The following DOK1 variants were observed in gnomAD, a reference collection of about 807,000 sequenced individuals.
The protein encoded by DOK1 is docking protein 1, also known as Downstream of tyrosine kinase 1.
Under a neutral mutation model 24.0 loss-of-function variants are expected in DOK1, and 12 were observed. That is an observed-to-expected ratio of 0.50 (90% CI 0.32 to 0.81). The LOEUF (loss-of-function observed/expected upper bound fraction) is 0.81, where lower values mean the gene tolerates loss of function less well. Ranked by LOEUF, DOK1 falls within the 30% of genes least tolerant of loss-of-function variation. The pLI is 0.03. For missense variants in DOK1, 591 were observed against 620.7 expected, an observed-to-expected ratio of 0.95 and a Z score of 0.51; for synonymous variants, 250 against 260.9, an observed-to-expected ratio of 0.96 and a Z score of 0.40.
At chr2:74,551,153 C>T (rs760375963), upstream of DOK1, among the ~76,000 whole-genome samples, 29 of 152,190 alleles carry the variant, frequency 1.9e-4, no homozygotes, top group Non-Finnish European at 3.2e-4. Context: ...AGGCTGGTCT[C>T]GAACTCCTGA....
chr2:74,554,705 C>T (rs774514795), upstream of DOK1: 3 of 1,597,910 alleles, frequency 1.9e-6, no homozygotes, highest in African/African-American at 1.3e-5. The surrounding 1 kb of genome is among the most constrained non-coding windows in gnomAD (Gnocchi z 4.9). Context: ...CGCCTCCCGC[C>T]CCGCCTCCCG....
At position 74,554,752 on chromosome 2, in the gene DOK1, GC is replaced by G. The variant is rs773833722; in HGVS notation, c.-1del. 7 of 1,613,496 alleles carry G rather than the reference GC, an allele frequency of 4.3e-6. No individual in the cohort carries two copies. In the South Asian group the frequency reaches 7.7e-5, roughly 18 times the overall value. ...GGAAGCGCGGAAGGAACCGCCGGGGGCCATGGACGGAGCAGTGATGGAAGGG... is the reference window on the plus strand; with the variant it reads ...GGAAGCGCGGAAGGAACCGCCGGGGGCATGGACGGAGCAGTGATGGAAGGG... On this transcript the variant is annotated 5_prime_UTR_variant, in exon 1 of 5. Coordinates refer to ENST00000233668, the MANE Select transcript of DOK1 (RefSeq NM_001381.5). The surrounding 1 kb of genome is among the most constrained non-coding windows in gnomAD (Gnocchi z 4.9).
In DOK1 at chr2:74,556,681, G is replaced by C. The variant is rs200708921; in HGVS notation, c.1013G>C (p.Trp338Ser). The C allele has an allele frequency of 1.8e-5, 29 of 1,614,120 alleles. No homozygotes were observed. The highest frequency in any genetic ancestry group is 2.2e-5 in the Non-Finnish European group (26 of 1,180,054). ...GTACAACGGAAGAAACCTCTCTATT[G>C]GGACTTGTATGAGCATGCGCAGCAG... is the stretch of plus-strand genomic sequence containing the variant. ...EGVQRKKPLYWDLYEHAQQQL... is the reference protein window; with the variant it reads ...EGVQRKKPLYSDLYEHAQQQL... Residue 338 changes from tryptophan to serine, a missense_variant, in exon 5 of 5, where the codon TGG (tryptophan) becomes TCG (serine). Trp to Ser is a radical substitution (Grantham distance 177). Transcript: ENST00000233668. This position sits in a 1 kb window ranked among gnomAD's most constrained non-coding sequence, Gnocchi z 4.1.
chr2:74,555,878 C>A lies in DOK1; in HGVS notation c.455-16C>A, dbSNP rs774690385. 6.3e-7 allele frequency: 1 copy of A among 1,597,754 alleles called. No individual in the cohort carries two copies. The highest frequency in any genetic ancestry group is 8.5e-7 in the Non-Finnish European group (1 of 1,171,268). ...CGTCCCTCCCCCGCAGCTGTCTAAT[C>A]GTGTATGCCTTCCAGGATCCCAATT... is the stretch of plus-strand genomic sequence containing the variant. On this transcript the variant is annotated splice_polypyrimidine_tract_variant and intron_variant, in intron 3 of 4. Coordinates refer to ENST00000233668, the MANE Select transcript of DOK1 (RefSeq NM_001381.5). The surrounding 1 kb of genome is among the most constrained non-coding windows in gnomAD (Gnocchi z 6.1).
upstream of DOK1, chr2:74,552,425 G>A (rs1433050406): frequency 3.1e-6 from 5 of 1,613,728 alleles, no homozygotes; most frequent in Non-Finnish European, 2.5e-6. Context: ...AGTCATCATC[G>A]CAGATGGTGC....
At chr2:74,550,881 C>T (rs116036822), upstream of DOK1, among the ~76,000 whole-genome samples, 750 of 151,640 alleles carry the variant, frequency 4.9e-3, 9 homozygotes, top group African/African-American at 0.017. Flanking sequence ...CTCTTGTGCC[C>T]GCCCTGTCTG....
upstream of DOK1, chr2:74,550,179 G>A: frequency 1.9e-6 from 3 of 1,611,880 alleles, no homozygotes; most frequent in Non-Finnish European, 2.5e-6. Flanking sequence ...TCTAGGAAAT[G>A]CAGACCTCAA....
upstream of DOK1, chr2:74,550,279 C>T (rs1438579657): frequency 2.5e-6 from 4 of 1,614,138 alleles, no homozygotes; most frequent in Non-Finnish European, 2.5e-6. Flanking sequence ...GTTCCCCCAG[C>T]CCCGGGAGGC....
rs771130039 is a variant in DOK1 at position 74,549,522 on chromosome 2, C to T, written c.-358+350C>T. ...CAGCCCCTCCGTCACGGGCAGGGGT[C>T]GTCTGCCCCACCCAACGGCGGGTCG... is the stretch of plus-strand genomic sequence containing the variant. On this transcript the variant is annotated intron_variant, in intron 1 of 4. Transcript: ENST00000409429. This position sits in a 1 kb window ranked among gnomAD's most constrained non-coding sequence, Gnocchi z 5.3. 2 of 1,613,448 alleles carry T rather than the reference C, an allele frequency of 1.2e-6. No individual in the cohort carries two copies. Among genetic ancestry groups the T allele is most frequent in the Non-Finnish European group, 1.7e-6 (2 of 1,179,616 alleles).
chr2:74,551,221 A>G (rs1297718332), upstream of DOK1, among the ~76,000 whole-genome samples: 1 of 152,374 alleles, frequency 6.6e-6, no homozygotes, highest in Non-Finnish European at 1.5e-5. Context: ...GGCGTGAGCC[A>G]CTGAGCCCGG....
At chr2:74,550,917 C>T (rs1676964173), upstream of DOK1, among the ~76,000 whole-genome samples, 1 of 151,470 alleles carries the variant, frequency 6.6e-6, no homozygotes, top group South Asian at 2.1e-4. Flanking sequence ...CCTTGTTCTT[C>T]TCTCTGTCTG....
In DOK1 at chr2:74,555,509, C is replaced by G; in HGVS notation, c.360+56C>G. On this transcript the variant is annotated intron_variant, in intron 2 of 4. Coordinates refer to ENST00000233668, the MANE Select transcript of DOK1 (RefSeq NM_001381.5). This position sits in a 1 kb window ranked among gnomAD's most constrained non-coding sequence, Gnocchi z 6.1. ...CAGTTACAGAGGCAGAGAAATGGGG[C>G]TGCCTCAGACCGACCCCCGCTCCCC... The G allele has an allele frequency of 6.2e-7, 1 of 1,611,534 alleles. No individual in the cohort carries two copies. The highest frequency in any genetic ancestry group is 8.5e-7 in the Non-Finnish European group (1 of 1,179,148).
Position 74,557,089 on chromosome 2 carries a change from G to C in DOK1, c.1421G>C (p.Gly474Ala), listed in dbSNP as rs1358916747. 3.7e-6 allele frequency: 6 copies of C among 1,612,224 alleles called. No homozygotes were observed. The highest frequency in any genetic ancestry group is 5.1e-6 in the Non-Finnish European group (6 of 1,178,864). ...GLSRVGTDKTGVKSEGST is the reference protein window; with the variant it reads ...GLSRVGTDKTAVKSEGST ...TCTAGAGTAGGGACTGACAAGACTG[G>C]GGTCAAGTCAGAGGGCTCTACCTGA... Residue 474 changes from glycine to alanine, a missense_variant, in exon 5 of 5, where the codon GGG becomes GCG. Gly to Ala is a moderately conservative substitution (Grantham distance 60). Transcript: ENST00000233668.
chr2:74,549,544 G>A lies in DOK1; in HGVS notation c.-358+372G>A. 1 of 1,612,104 alleles carries A rather than the reference G, an allele frequency of 6.2e-7. No individual in the cohort carries two copies. The highest frequency in any genetic ancestry group is 8.5e-7 in the Non-Finnish European group (1 of 1,178,694). On this transcript the variant is annotated intron_variant, in intron 1 of 4. Transcript: ENST00000409429. This position sits in a 1 kb window ranked among gnomAD's most constrained non-coding sequence, Gnocchi z 5.3. ...GGTCGTCTGCCCCACCCAACGGCGGGTCGAATTCGCACCTCCTCCACTTGC... is the reference window on the plus strand; with the variant it reads ...GGTCGTCTGCCCCACCCAACGGCGGATCGAATTCGCACCTCCTCCACTTGC...
chr2:74,555,117 C>T lies in DOK1; in HGVS notation c.61-37C>T, dbSNP rs1289341265. On this transcript the variant is annotated intron_variant, in intron 1 of 4. Coordinates refer to ENST00000233668, the MANE Select transcript of DOK1 (RefSeq NM_001381.5). The surrounding 1 kb of genome is among the most constrained non-coding windows in gnomAD (Gnocchi z 6.1). ...CGTCGGGACCCGGGCCGCCTGCGCA[C>T]GCCACTCCCTCTCGAGCACTCTCTC... 3.2e-6 allele frequency: 5 copies of T among 1,581,054 alleles called. No homozygotes were observed. In the East Asian group the frequency reaches 6.8e-5, roughly 21 times the overall value.
At chr2:74,554,610 C>T, upstream of DOK1, 1 of 723,708 alleles carries the variant, frequency 1.4e-6, no homozygotes, top group Non-Finnish European at 2.3e-6. The surrounding 1 kb of genome is among the most constrained non-coding windows in gnomAD (Gnocchi z 4.9). Context: ...CCTTCTCGCT[C>T]CTCTCCCTCA....
At chr2:74,550,395 T>G, upstream of DOK1, 1 of 1,587,516 alleles carries the variant, frequency 6.3e-7, no homozygotes. Flanking sequence ...GGAGGGAGGA[T>G]GGGGGAGTAA....
In DOK1 at chr2:74,557,399, T is replaced by C. The variant is rs1677562954; in HGVS notation, c.*285T>C. On this transcript the variant is annotated 3_prime_UTR_variant, in exon 5 of 5. Transcript: ENST00000233668. ...GTGGGACCAGGTCTGTGGAAAGTGGTGCATGGTCAGAATGGGTGCAGTTTG... is the reference window on the plus strand; with the variant it reads ...GTGGGACCAGGTCTGTGGAAAGTGGCGCATGGTCAGAATGGGTGCAGTTTG... The C allele has an allele frequency of 1.1e-5, 4 of 369,542 alleles. No homozygotes were observed. Among genetic ancestry groups the C allele is most frequent in the Non-Finnish European group, 1.5e-5 (3 of 201,808 alleles). The allele number at this position is 369,542 out of a possible 1,614,324, so 22.9% of individuals were successfully genotyped here. A position where few individuals can be genotyped will look rare whatever the true frequency, so the allele number is the denominator to read the frequency against.
rs1290576081 is a variant in DOK1 at position 74,556,686 on chromosome 2, T to A, written c.1018T>A (p.Leu340Met). 1.2e-6 allele frequency: 2 copies of A among 1,614,218 alleles called. No individual in the cohort carries two copies. Among genetic ancestry groups the A allele is most frequent in the Non-Finnish European group, 8.5e-7 (1 of 1,180,038 alleles). ...VQRKKPLYWD[L>M]YEHAQQQLLK... ...ACGGAAGAAACCTCTCTATTGGGAC[T>A]TGTATGAGCATGCGCAGCAGCAGTT... is the stretch of plus-strand genomic sequence containing the variant. Residue 340 changes from leucine (L) to methionine (M), a missense_variant, in exon 5 of 5, where the codon TTG becomes ATG. By Grantham distance (15) the Leu-to-Met change is conservative (BLOSUM62 2). Transcript: ENST00000233668. The surrounding 1 kb of genome is among the most constrained non-coding windows in gnomAD (Gnocchi z 4.1).
Sources: gnomAD v4.1 joint callset for allele counts (sites outside exome capture counted in the v4.1 genomes callset) on GRCh38, gnomAD v4.1.1 for gene constraint, Gnocchi (gnomAD v3.1) non-coding constraint, MANE v1.5 for transcripts, NCBI Gene and HGNC (gene_info 2026-07-23, HGNC 2026-07-21) for gene names.